Variants in TENM3 observed in about 807,000 individuals in gnomAD.
TENM3 encodes the protein teneurin-3.
TENM3 carries 63 observed loss-of-function variants against 255.1 expected under a neutral mutation model. That is an observed-to-expected ratio of 0.25 (90% CI 0.20 to 0.30). TENM3 has a LOEUF of 0.30. Ranked by LOEUF, TENM3 falls within the 10% of genes least tolerant of loss-of-function variation. The pLI is 1.00. For missense variants in TENM3, 2,929 were observed against 3,461.1 expected (o/e 0.85, Z 3.86); for synonymous variants, 1,306 against 1,322.3 (o/e 0.99, Z 0.27).
the TENM3 span, among the ~76,000 whole-genome samples, chr4:181,913,573 A>G: frequency 6.6e-6 from 1 of 152,152 alleles, no homozygotes; most frequent in East Asian, 1.9e-4. Flanking sequence ...CAAGGGTACG[A>G]GTCAGAGTGG....
chr4:181,989,591 A>T, the TENM3 span, among the ~76,000 whole-genome samples: 4 of 152,236 alleles, frequency 2.6e-5, no homozygotes, highest in South Asian at 8.3e-4. Context: ...ACTATTCCTG[A>T]CACATTGTGT....
At chr4:182,059,270 T>C in the TENM3 span, among the ~76,000 whole-genome samples, 1 of 152,108 alleles carries the variant, frequency 6.6e-6, no homozygotes. Context: ...ACTACTATGC[T>C]GGTTTCCTTA....
intron 3 of TENM3, among the ~76,000 whole-genome samples, chr4:182,558,204 G>T (rs947496852): frequency 6.6e-6 from 1 of 152,178 alleles, no homozygotes. Flanking sequence ...TAGCGAAAAC[G>T]CTTGGAAAAC....
At chr4:182,797,702 T>G (rs988881595) in intron 27 of TENM3, among the ~76,000 whole-genome samples, 2 of 152,080 alleles carry the variant, frequency 1.3e-5, no homozygotes, top group African/African-American at 4.8e-5. Flanking sequence ...CACCAGAATT[T>G]CCAGCTTACA....
chr4:181,515,453 C>T, the TENM3 span, among the ~76,000 whole-genome samples: 3 of 152,026 alleles, frequency 2.0e-5, no homozygotes, highest in African/African-American at 2.4e-5. Flanking sequence ...CACAAATACC[C>T]AGGAAAGGCC....
At chr4:181,848,663 G>A in the TENM3 span, among the ~76,000 whole-genome samples, 1 of 151,950 alleles carries the variant, frequency 6.6e-6, no homozygotes, top group Non-Finnish European at 1.5e-5. Flanking sequence ...TGAGATTCTT[G>A]GTGGTAAGTG....
chr4:182,170,185 T>C (rs1181739457), intron 1 of TENM3, among the ~76,000 whole-genome samples: 3 of 152,132 alleles, frequency 2.0e-5, no homozygotes, highest in East Asian at 1.9e-4. Flanking sequence ...GTTACTTGTT[T>C]TGCACAGAAG....
chr4:181,769,016 T>C, the TENM3 span, among the ~76,000 whole-genome samples: 1 of 152,212 alleles, frequency 6.6e-6, no homozygotes, highest in Non-Finnish European at 1.5e-5. Context: ...TCAAGAGATT[T>C]TTTTCTCTTT....
At chr4:182,449,745 T>C (rs1773293919) in intron 3 of TENM3, among the ~76,000 whole-genome samples, 1 of 152,252 alleles carries the variant, frequency 6.6e-6, no homozygotes, top group South Asian at 2.1e-4. Flanking sequence ...AAATACGTAG[T>C]GTGATTTTTG....
At chr4:182,130,515 A>G in the TENM3 span, among the ~76,000 whole-genome samples, 1 of 152,178 alleles carries the variant, frequency 6.6e-6, no homozygotes, top group Admixed American at 6.5e-5. Context: ...ATCAAACCCC[A>G]TGTAGGCCAC....
At chr4:182,060,840 T>C in the TENM3 span, among the ~76,000 whole-genome samples, 44 of 152,174 alleles carry the variant, frequency 2.9e-4, no homozygotes, top group Non-Finnish European at 6.2e-4. Context: ...CAAACAATGA[T>C]TTGAAATATT....
At chr4:181,524,807 A>G in the TENM3 span, among the ~76,000 whole-genome samples, 1 of 152,114 alleles carries the variant, frequency 6.6e-6, no homozygotes, top group African/African-American at 2.4e-5. Context: ...GGAAAAGAGG[A>G]AAGCCTATAG....
upstream of TENM3, among the ~76,000 whole-genome samples, chr4:182,243,112 T>TTTTA (rs1001666433): frequency 2.0e-5 from 3 of 152,248 alleles, no homozygotes; most frequent in Middle Eastern, 3.4e-3. Context: ...TCACATAGGC[T>TTTTA]TTTATTTATT....
chr4:182,010,963 T>A, the TENM3 span, among the ~76,000 whole-genome samples: 4 of 152,222 alleles, frequency 2.6e-5, no homozygotes, highest in African/African-American at 9.7e-5. Flanking sequence ...TCAATTTCCC[T>A]CTAGCTTCTC....
At chr4:181,474,074 C>T in the TENM3 span, among the ~76,000 whole-genome samples, 1 of 151,908 alleles carries the variant, frequency 6.6e-6, no homozygotes, top group Admixed American at 6.6e-5. Context: ...GGAAACCAAA[C>T]ACCACATGTT....
At position 182,261,720 on chromosome 4, in the gene TENM3, G is replaced by A. The variant is rs529457075; in HGVS notation, c.-76+18244G>A. 5.4e-4 allele frequency among the ~76,000 whole-genome samples: 82 copies of A among 152,326 alleles called. 1 individual carries two copies. The highest frequency in any genetic ancestry group is 1.9e-3 in the African/African-American group (77 of 41,580). Reference sequence around the variant, plus strand: ...CATTCCCTACCAAGACCACTTTGCTGATGCTCCCGCTTGCCCAGTCCTAAC... The same window carrying A: ...CATTCCCTACCAAGACCACTTTGCTAATGCTCCCGCTTGCCCAGTCCTAAC... On this transcript the variant is annotated intron_variant, in intron 1 of 27. Transcript: ENST00000511685.
At chr4:182,087,031 T>C in the TENM3 span, among the ~76,000 whole-genome samples, 1 of 152,214 alleles carries the variant, frequency 6.6e-6, no homozygotes, top group East Asian at 1.9e-4. Context: ...AGACATATAA[T>C]GACATTGTTT....
At chr4:182,108,253 C>T in the TENM3 span, among the ~76,000 whole-genome samples, 5 of 152,248 alleles carry the variant, frequency 3.3e-5, no homozygotes, top group South Asian at 1.0e-3. Flanking sequence ...TTATAGAAAA[C>T]GTTTATCTGC....
intron 1 of TENM3, among the ~76,000 whole-genome samples, chr4:182,309,026 C>T (rs1762294011): frequency 1.3e-5 from 2 of 152,190 alleles, no homozygotes; most frequent in East Asian, 3.9e-4. Context: ...GACCTAGCCC[C>T]TACTGTCTCC....
Sources: allele counts gnomAD v4.1 joint callset (sites outside exome capture counted in the v4.1 genomes callset), GRCh38; gene constraint gnomAD v4.1.1; transcripts MANE v1.5; gene names NCBI Gene and HGNC (gene_info 2026-07-23, HGNC 2026-07-21).